Variants in ZNF678 observed in about 807,000 individuals in gnomAD.
The protein encoded by ZNF678 is zinc finger protein 678.
A neutral mutation model predicts 3.0 loss-of-function variants in ZNF678; 5 were observed. That is an observed-to-expected ratio of 1.69 (90% CI 0.88 to 3.56). ZNF678 has a LOEUF of 3.56. ZNF678 is among the 30% of genes most tolerant of loss of function. The pLI, the probability that ZNF678 is intolerant of heterozygous loss-of-function variation, is 0.00. For synonymous variants in ZNF678, 218 were observed against 199.6 expected, an observed-to-expected ratio of 1.09 and a Z score of -0.78; for missense variants, 593 against 605.0, an observed-to-expected ratio of 0.98 and a Z score of 0.21.
chr1:227,676,557 A>G (rs1659683217), intron 5 of ZNF678, among the ~76,000 whole-genome samples: 1 of 152,158 alleles, frequency 6.6e-6, no homozygotes, highest in South Asian at 2.1e-4. Flanking sequence ...GTTTTGGGGT[A>G]CATGTGCACA....
rs1484563781 is a variant in ZNF678 at position 227,660,336 on chromosome 1, CTTT to C, written c.*4511_*4513del. ...TATACATCATTTTGTGTAACATAGACTTTTTAGCAATATTAATTTGGCCAATTT... is the reference window on the plus strand; with the variant it reads ...TATACATCATTTTGTGTAACATAGACTTAGCAATATTAATTTGGCCAATTT... On this transcript the variant is annotated 3_prime_UTR_variant, in exon 4 of 4. Transcript: ENST00000343776. 6.6e-6 allele frequency: 1 copy of C among 151,074 alleles called. No homozygotes were observed. Among genetic ancestry groups the C allele is most frequent in the South Asian group, 2.1e-4 (1 of 4,794 alleles). 9.4% of individuals were successfully genotyped at this position (151,074 alleles called of 1,614,324 possible). A position where few individuals can be genotyped will look rare whatever the true frequency, so the allele number is the denominator to read the frequency against.
In ZNF678 at chr1:227,638,256, A is replaced by G. The variant is rs952705345; in HGVS notation, c.-163-8288A>G. 2.0e-5 allele frequency among the ~76,000 whole-genome samples: 3 copies of G among 152,168 alleles called. No homozygotes were observed. The highest frequency in any genetic ancestry group is 2.9e-5 in the Non-Finnish European group (2 of 68,030). On this transcript the variant is annotated intron_variant, in intron 1 of 3. Transcript: ENST00000343776. The surrounding 1 kb of genome is among the most constrained non-coding windows in gnomAD (Gnocchi z 4.2). ...CATCTTTTATGTTTAGAATAGAAAA[A>G]TGGGTGGTATTGGAGGGAATTGCGG...
At chr1:227,618,770 T>C (rs1490317943) in intron 1 of ZNF678, among the ~76,000 whole-genome samples, 1 of 152,226 alleles carries the variant, frequency 6.6e-6, no homozygotes, top group Non-Finnish European at 1.5e-5. Flanking sequence ...CTGCTCCTGA[T>C]GAACACAAAG....
chr1:227,591,837 C>G (rs1048433088), intron 1 of ZNF678, among the ~76,000 whole-genome samples: 11 of 152,270 alleles, frequency 7.2e-5, no homozygotes, highest in Admixed American at 2.6e-4. Context: ...GTATACACTG[C>G]GAACAGCCCT....
chr1:227,589,505 G>T (rs1657352260), intron 1 of ZNF678, among the ~76,000 whole-genome samples: 1 of 151,658 alleles, frequency 6.6e-6, no homozygotes, highest in Admixed American at 6.6e-5. Context: ...GTTAAAGAAG[G>T]AAGAGGTTTA....
intron 1 of ZNF678, among the ~76,000 whole-genome samples, chr1:227,604,081 GGT>G (rs1433145463): frequency 6.6e-6 from 1 of 152,102 alleles, no homozygotes; most frequent in African/African-American, 2.4e-5. Context: ...TATATTAACT[GGT>G]TGACATTTTG....
intron 1 of ZNF678, among the ~76,000 whole-genome samples, chr1:227,645,386 C>G (rs1658929216): frequency 6.6e-6 from 1 of 152,156 alleles, no homozygotes; most frequent in African/African-American, 2.4e-5. Flanking sequence ...TTAAAACTTG[C>G]AGACTTTTAT....
chr1:227,591,303 G>A (rs1421225052), intron 1 of ZNF678, among the ~76,000 whole-genome samples: 1 of 152,054 alleles, frequency 6.6e-6, no homozygotes, highest in African/African-American at 2.4e-5. Context: ...GTTCTAAGGG[G>A]TTACACTGAC....
intron 5 of ZNF678, among the ~76,000 whole-genome samples, chr1:227,670,543 C>T (rs745750572): frequency 6.6e-5 from 10 of 152,118 alleles, no homozygotes; most frequent in Admixed American, 3.3e-4. Flanking sequence ...GGGCTTTTTG[C>T]CTCCCAGGAG....
chr1:227,588,246 G>C (rs1657315498), intron 1 of ZNF678, among the ~76,000 whole-genome samples: 1 of 152,076 alleles, frequency 6.6e-6, no homozygotes. Flanking sequence ...TGGGCATTTA[G>C]GTTGATTCTA....
chr1:227,669,472 T>TA (rs200522135), intron 5 of ZNF678, among the ~76,000 whole-genome samples: 1 of 141,412 alleles, frequency 7.1e-6, no homozygotes, highest in South Asian at 2.2e-4. Context: ...CCGTCTCTAC[T>TA]AAAAATATAT....
At chr1:227,585,876 A>G (rs943815171) in intron 1 of ZNF678, among the ~76,000 whole-genome samples, 2 of 152,354 alleles carry the variant, frequency 1.3e-5, no homozygotes, top group Admixed American at 1.3e-4. Flanking sequence ...GTGACCACTT[A>G]AGACAAAGAA....
In ZNF678 at chr1:227,607,776, TATTA is replaced by T. The variant is rs574670679; in HGVS notation, c.-163-38764_-163-38761del. Among the ~76,000 whole-genome samples the T allele has an allele frequency of 2.7e-3, 402 of 147,678 alleles. 2 individuals carry two copies. The highest frequency in any genetic ancestry group is 9.5e-3 in the African/African-American group (388 of 40,788). On this transcript the variant is annotated intron_variant, in intron 1 of 3. Transcript: ENST00000343776. ...ATACATTTATTATATATTGTATATG[TATTA>T]ATTTATAATATATGCTATATTATTT...
chr1:227,635,218 A>C (rs1658645587), intron 1 of ZNF678, among the ~76,000 whole-genome samples: 1 of 152,212 alleles, frequency 6.6e-6, no homozygotes, highest in Admixed American at 6.5e-5. Context: ...CACATCTTTT[A>C]AAAAGCTAAA....
At chr1:227,585,572 A>G (rs189349224) in intron 1 of ZNF678, among the ~76,000 whole-genome samples, 21 of 152,336 alleles carry the variant, frequency 1.4e-4, no homozygotes, top group Admixed American at 1.2e-3. Context: ...CAAGAGATCG[A>G]GACCATACTG....
At chr1:227,651,221 G>T (rs978302359) in intron 3 of ZNF678, 145 bp downstream of exon 3, 9 of 884,232 alleles carry the variant, frequency 1.0e-5, no homozygotes, top group Non-Finnish European at 1.5e-5. Flanking sequence ...AGGGGCTTGT[G>T]TGCTTGTGAA....
At chr1:227,676,293 C>T (rs1659678217) in intron 5 of ZNF678, among the ~76,000 whole-genome samples, 1 of 152,172 alleles carries the variant, frequency 6.6e-6, no homozygotes, top group Non-Finnish European at 1.5e-5. Flanking sequence ...AGGAGGGACT[C>T]ACCCTTAAAC....
At chr1:227,630,944 A>G (rs1658533143) in intron 1 of ZNF678, among the ~76,000 whole-genome samples, 1 of 152,198 alleles carries the variant, frequency 6.6e-6, no homozygotes, top group Non-Finnish European at 1.5e-5. Flanking sequence ...CTTCTACAAA[A>G]GAGGTCTAGC....
chr1:227,575,920 C>A (rs529999486), intron 1 of ZNF678, among the ~76,000 whole-genome samples: 1 of 152,114 alleles, frequency 6.6e-6, no homozygotes, highest in Non-Finnish European at 1.5e-5. Flanking sequence ...TATGTTCCTT[C>A]AATATCTAGT....
Sources: allele counts gnomAD v4.1 joint callset (sites outside exome capture counted in the v4.1 genomes callset), GRCh38; gene constraint gnomAD v4.1.1; non-coding constraint Gnocchi (gnomAD v3.1); transcripts MANE v1.5; gene names NCBI Gene and HGNC (gene_info 2026-07-23, HGNC 2026-07-21).